The following ADGRV1 variants were observed in gnomAD, a reference collection of about 807,000 sequenced individuals.
The protein encoded by ADGRV1 is adhesion G protein-coupled receptor V1, also known as G-protein coupled receptor 98.
In ADGRV1, 359 loss-of-function variants were observed where a neutral mutation model predicts 596.2. That is an observed-to-expected ratio of 0.60 (90% CI 0.55 to 0.66). ADGRV1 has a LOEUF of 0.66. Among genes scored for constraint, ADGRV1 ranks in the 30% least tolerant of loss-of-function variants. The pLI is 0.00. For missense variants in ADGRV1, 7,274 were observed against 7,575.6 expected (o/e 0.96, Z 1.48); for synonymous variants, 2,681 against 2,679.2 (o/e 1.00, Z -0.02).
At chr5:90,595,367 G>T (rs1760227837) in intron 1 of ADGRV1, among the ~76,000 whole-genome samples, 1 of 48,784 alleles carries the variant, frequency 2.0e-5, no homozygotes, top group Non-Finnish European at 4.2e-5. Flanking sequence ...TCCCGGACGG[G>T]GCGGCTGGCC....
chr5:90,962,756 G>A (rs568533145), intron 83 of ADGRV1, among the ~76,000 whole-genome samples: 140 of 152,160 alleles, frequency 9.2e-4, no homozygotes, highest in Non-Finnish European at 1.5e-3. Context: ...TAATAACCTG[G>A]AACAACTTTC....
intron 85 of ADGRV1, among the ~76,000 whole-genome samples, chr5:91,027,818 A>G (rs781360230): frequency 2.6e-5 from 4 of 152,208 alleles, no homozygotes; most frequent in Non-Finnish European, 4.4e-5. Flanking sequence ...ACAATAGTTA[A>G]GTCTAATTTA....
chr5:91,158,946 C>T (rs1235683628), intron 89 of ADGRV1, among the ~76,000 whole-genome samples: 1 of 152,096 alleles, frequency 6.6e-6, no homozygotes, highest in Non-Finnish European at 1.5e-5. Flanking sequence ...TTTCAATAGC[C>T]ACTGATACTA....
intron 85 of ADGRV1, among the ~76,000 whole-genome samples, chr5:91,028,842 A>G (rs1436164224): frequency 6.9e-6 from 1 of 145,172 alleles, no homozygotes; most frequent in African/African-American, 2.6e-5. Flanking sequence ...GAGGTCAGGG[A>G]GTCCTCTTGC....
chr5:90,759,276 A>G, intron 57 of ADGRV1, 133 bp from the exon 58 acceptor site: 1 of 625,210 alleles, frequency 1.6e-6, no homozygotes, highest in Non-Finnish European at 2.7e-6. Flanking sequence ...CATGTTTCTG[A>G]GATTTTTGGT....
intron 83 of ADGRV1, among the ~76,000 whole-genome samples, chr5:90,928,483 C>G (rs994743945): frequency 4.0e-5 from 6 of 150,374 alleles, no homozygotes; most frequent in South Asian, 4.2e-4. Flanking sequence ...TCAGCTCCAT[C>G]AGCTCCTTTA....
chr5:91,043,808 C>T (rs1160288397), intron 85 of ADGRV1, among the ~76,000 whole-genome samples: 1 of 151,616 alleles, frequency 6.6e-6, no homozygotes, highest in East Asian at 1.9e-4. Flanking sequence ...CATGGTATGC[C>T]CTCTCCAAAT....
intron 58 of ADGRV1, among the ~76,000 whole-genome samples, chr5:90,761,759 A>G (rs1250583615): frequency 2.6e-5 from 4 of 152,230 alleles, no homozygotes; most frequent in African/African-American, 9.6e-5. Flanking sequence ...GTATTGTTGA[A>G]TATGTAAAGC....
At chr5:90,597,653 C>T (rs1354639491) in intron 1 of ADGRV1, among the ~76,000 whole-genome samples, 1 of 151,906 alleles carries the variant, frequency 6.6e-6, no homozygotes, top group African/African-American at 2.4e-5. Flanking sequence ...AAGAGGAAAC[C>T]AGGCTGAGAA....
chr5:90,650,960 G>A (rs1229658499), intron 17 of ADGRV1, among the ~76,000 whole-genome samples: 1 of 152,116 alleles, frequency 6.6e-6, no homozygotes, highest in Admixed American at 6.5e-5. Context: ...TGAAGAGATA[G>A]GCACTTCAGG....
chr5:90,668,432 G>A (rs1052409129), intron 21 of ADGRV1, among the ~76,000 whole-genome samples: 13 of 152,138 alleles, frequency 8.5e-5, no homozygotes, highest in Non-Finnish European at 1.9e-4. Flanking sequence ...GACCCCTTGC[G>A]CTTCCCGAGT....
intron 82 of ADGRV1, among the ~76,000 whole-genome samples, chr5:90,860,189 T>A (rs1341514309): frequency 6.6e-6 from 1 of 152,156 alleles, no homozygotes; most frequent in East Asian, 1.9e-4. Context: ...ACCACCCTGT[T>A]TATCTGGAGG....
intron 66 of ADGRV1, 61 bp from the exon 67 acceptor site, chr5:90,783,777 G>T (rs536535030): frequency 1.5e-5 from 19 of 1,274,198 alleles, no homozygotes; most frequent in Middle Eastern, 2.7e-4. Flanking sequence ...ACTGGTTATT[G>T]GGATTTTACA....
At chr5:90,617,715 C>CTTTT in intron 2 of ADGRV1, 89 bp from the exon 3 acceptor site, 1 of 1,095,936 alleles carries the variant, frequency 9.1e-7, no homozygotes, top group Non-Finnish European at 1.3e-6. Context: ...TTGATTTATG[C>CTTTT]TTTTTCTCTT....
At chr5:90,729,368 G>C (rs962468622) in intron 49 of ADGRV1, among the ~76,000 whole-genome samples, 10 of 152,004 alleles carry the variant, frequency 6.6e-5, no homozygotes, top group Non-Finnish European at 1.3e-4. Context: ...ACTTTCATGG[G>C]TAAAATTGCA....
At chr5:90,861,993 ACCTATCTT>A (rs1490171677) in intron 82 of ADGRV1, among the ~76,000 whole-genome samples, 1 of 152,110 alleles carries the variant, frequency 6.6e-6, no homozygotes, top group Non-Finnish European at 1.5e-5. Context: ...GTAGAATCTC[ACCTATCTT>A]CCTGCCACTG....
chr5:90,897,892 G>A (rs962763669), intron 83 of ADGRV1, among the ~76,000 whole-genome samples: 5 of 152,190 alleles, frequency 3.3e-5, no homozygotes, highest in Non-Finnish European at 4.4e-5. Flanking sequence ...CCCCATAACA[G>A]TAGCAGATGG....
chr5:90,629,338 G>C lies in ADGRV1; in HGVS notation c.1638G>C (p.Gly546=). ...YLSLSFTRLG[G]TKGDVRLLYS... ...CCTTGAGTTTTACAAGACTAGGAGG[G>C]ACTAAAGGAGATGTGAGGTTGCTTT... Residue 546 remains glycine (G), a synonymous_variant, in exon 9 of 90, where the codon GGG becomes GGC. Coordinates refer to ENST00000405460, the MANE Select transcript of ADGRV1 (RefSeq NM_032119.4). 2 of 1,613,564 alleles carry C rather than the reference G, an allele frequency of 1.2e-6. No individual in the cohort carries two copies. Among genetic ancestry groups the C allele is most frequent in the Admixed American group, 3.3e-5 (2 of 59,970 alleles).
chr5:90,970,060 G>A (rs1170374260), intron 84 of ADGRV1, among the ~76,000 whole-genome samples: 2 of 152,200 alleles, frequency 1.3e-5, no homozygotes, highest in Non-Finnish European at 2.9e-5. Context: ...TTAGCAAATG[G>A]CACAACAGGA....
Sources: gnomAD v4.1 joint callset for allele counts (sites outside exome capture counted in the v4.1 genomes callset) on GRCh38, gnomAD v4.1.1 for gene constraint, MANE v1.5 for transcripts, NCBI Gene and HGNC (gene_info 2026-07-23, HGNC 2026-07-21) for gene names.